The following MSR1 variants were observed in gnomAD, a reference collection of about 807,000 sequenced individuals.
MSR1 encodes macrophage scavenger receptor 1, also known as macrophage scavenger receptor types I and II.
Under a neutral mutation model 47.2 loss-of-function variants are expected in MSR1, and 53 were observed. That is an observed-to-expected ratio of 1.12 (90% CI 0.90 to 1.41). The LOEUF (loss-of-function observed/expected upper bound fraction) is 1.41, where lower values mean the gene tolerates loss of function less well. Ranked by LOEUF, MSR1 falls within the 40% of genes most tolerant of loss-of-function variation. The probability of loss-of-function intolerance (pLI) is 0.00; values close to 1 mark genes in which losing one functional copy is unlikely to be tolerated. For synonymous variants in MSR1, 239 were observed against 185.6 expected (o/e 1.29, Z -2.34); for missense variants, 786 against 546.9 (o/e 1.44, Z -4.36).
intron 7 of MSR1, 130 bp from the exon 8 acceptor site, chr8:16,143,741 T>C (rs997339232): frequency 1.9e-5 from 13 of 680,288 alleles, no homozygotes; most frequent in South Asian, 8.6e-5. Flanking sequence ...TATAATAACA[T>C]TGTATAATGT....
At chr8:16,156,878 C>T (rs1801025757) in intron 5 of MSR1, among the ~76,000 whole-genome samples, 1 of 151,824 alleles carries the variant, frequency 6.6e-6, no homozygotes, top group South Asian at 2.1e-4. Flanking sequence ...CCCCCTATTC[C>T]CTGCAGAAGA....
At chr8:16,120,819 A>G (rs1799987080) in intron 8 of MSR1, 2 of 611,412 alleles carry the variant, frequency 3.3e-6, no homozygotes, top group Non-Finnish European at 5.6e-6. Context: ...AGCTGTTAAG[A>G]GCAAAATCCA....
intron 3 of MSR1, among the ~76,000 whole-genome samples, chr8:16,174,080 G>C (rs1013632636): frequency 2.6e-5 from 4 of 152,176 alleles, no homozygotes; most frequent in Admixed American, 6.5e-5. Context: ...TGAGCTGTCT[G>C]AATTTTCTTA....
intron 1 of MSR1, among the ~76,000 whole-genome samples, chr8:16,183,246 T>A (rs141201850): frequency 3.2e-4 from 49 of 151,984 alleles, no homozygotes; most frequent in African/African-American, 1.2e-3. Flanking sequence ...AAATGCAAAA[T>A]AAACAGCTCA....
chr8:16,153,230 TG>T (rs1800909481), intron 6 of MSR1, among the ~76,000 whole-genome samples: 1 of 152,032 alleles, frequency 6.6e-6, no homozygotes, highest in African/African-American at 2.4e-5. Context: ...TTAGTATGAT[TG>T]TCCATCATAT....
chr8:16,168,433 G>C (rs369779682), intron 4 of MSR1, 25 bp downstream of exon 4: 2 of 1,612,644 alleles, frequency 1.2e-6, no homozygotes, highest in African/African-American at 2.7e-5. Context: ...TCCAGCAAGT[G>C]ACCTTGCAGT....
intron 8 of MSR1, chr8:16,141,106 A>G: frequency 6.3e-7 from 1 of 1,591,276 alleles, no homozygotes; most frequent in South Asian, 1.1e-5. Context: ...AAGCCTTACA[A>G]AATTTTAAAG....
chr8:16,167,802 A>G (rs142520721), intron 4 of MSR1, among the ~76,000 whole-genome samples: 1 of 152,162 alleles, frequency 6.6e-6, no homozygotes, highest in Admixed American at 6.5e-5. Context: ...ATTCAAAACT[A>G]TGGACAGTTT....
At chr8:16,163,420 T>C (rs1234564996) in intron 5 of MSR1, among the ~76,000 whole-genome samples, 1 of 150,634 alleles carries the variant, frequency 6.6e-6, no homozygotes, top group Admixed American at 6.6e-5. Context: ...ATGGTTGAAA[T>C]CAAAATATAG....
chr8:16,189,382 TAAAATC>T (rs1488270147), intron 1 of MSR1, among the ~76,000 whole-genome samples: 9 of 98,668 alleles, frequency 9.1e-5, no homozygotes, highest in African/African-American at 4.5e-4. Context: ...TTTATATATA[TAAAATC>T]TTATTTTATA....
At chr8:16,175,794 A>C (rs555101126) in intron 2 of MSR1, among the ~76,000 whole-genome samples, 1 of 152,198 alleles carries the variant, frequency 6.6e-6, no homozygotes, top group Non-Finnish European at 1.5e-5. Context: ...TTGTATCTGC[A>C]TACCTCTTAT....
intron 7 of MSR1, 75 bp downstream of exon 7, chr8:16,150,156 A>G (rs947654580): frequency 2.6e-5 from 7 of 264,952 alleles, no homozygotes; most frequent in African/African-American, 1.4e-4. Context: ...ATATATATAT[A>G]TATATATATA....
chr8:16,165,866 A>T (rs1585178367), intron 4 of MSR1, among the ~76,000 whole-genome samples: 1 of 152,228 alleles, frequency 6.6e-6, no homozygotes, highest in East Asian at 1.9e-4. Flanking sequence ...ACAAAACCTT[A>T]TTCTAGATTA....
chr8:16,186,133 C>T, intron 1 of MSR1: 1 of 1,519,102 alleles, frequency 6.6e-7, no homozygotes, highest in Non-Finnish European at 8.8e-7. Context: ...TCCCTGAGTG[C>T]ATAAATGAAA....
intron 1 of MSR1, among the ~76,000 whole-genome samples, chr8:16,189,774 T>C (rs1177302191): frequency 7.4e-6 from 1 of 134,838 alleles, no homozygotes; most frequent in Non-Finnish European, 1.5e-5. Context: ...TATATATATA[T>C]AAAATCTTAT....
intron 8 of MSR1, among the ~76,000 whole-genome samples, chr8:16,126,846 T>C (rs746884491): frequency 2.6e-5 from 4 of 152,102 alleles, no homozygotes; most frequent in African/African-American, 4.8e-5. Flanking sequence ...CATGAGCCAC[T>C]GCACCCGGCC....
At chr8:16,129,916 G>A (rs889281313) in intron 8 of MSR1, among the ~76,000 whole-genome samples, 9 of 152,148 alleles carry the variant, frequency 5.9e-5, no homozygotes. Context: ...TGCAGAATAG[G>A]AAGCCTGGAG....
At chr8:16,114,433 C>G (rs1244435417) in intron 9 of MSR1, among the ~76,000 whole-genome samples, 1 of 152,154 alleles carries the variant, frequency 6.6e-6, no homozygotes, top group African/African-American at 2.4e-5. Flanking sequence ...TTACTTCCCT[C>G]ATCAGCATCC....
chr8:16,184,338 T>G (rs1801931178), intron 1 of MSR1, among the ~76,000 whole-genome samples: 1 of 152,128 alleles, frequency 6.6e-6, no homozygotes, highest in Non-Finnish European at 1.5e-5. Context: ...AATAAAATGT[T>G]TTAATTTGAT....
Sources: gnomAD v4.1 joint callset for allele counts (sites outside exome capture counted in the v4.1 genomes callset) on GRCh38, gnomAD v4.1.1 for gene constraint, MANE v1.5 for transcripts, NCBI Gene and HGNC (gene_info 2026-07-23, HGNC 2026-07-21) for gene names.